Variants in SGCZ observed in about 807,000 individuals in gnomAD.
SGCZ encodes the protein sarcoglycan zeta, also known as zeta-sarcoglycan.
A neutral mutation model predicts 41.3 loss-of-function variants in SGCZ; 40 were observed. That is an observed-to-expected ratio of 0.97 (90% CI 0.75 to 1.26). SGCZ has a LOEUF of 1.26. SGCZ is among the 50% of genes most tolerant of loss of function. SGCZ has a pLI of 0.00. For synonymous variants in SGCZ, 206 were observed against 137.5 expected (o/e 1.50, Z -3.49); for missense variants, 552 against 369.8 (o/e 1.49, Z -4.04).
At chr8:14,670,847 AG>A in intron 1 of SGCZ, among the ~76,000 whole-genome samples, 1 of 152,328 alleles carries the variant, frequency 6.6e-6, no homozygotes, top group Non-Finnish European at 1.5e-5. Context: ...CAAATGTCAA[AG>A]CTCACATTCA....
intron 1 of SGCZ, among the ~76,000 whole-genome samples, chr8:14,889,634 A>G (rs1804935985): frequency 6.6e-6 from 1 of 152,112 alleles, no homozygotes; most frequent in Non-Finnish European, 1.5e-5. Context: ...TGAAGTAAAC[A>G]TGGATCAAAA....
rs116922160 is a variant in SGCZ at position 14,821,962 on chromosome 8, A to G, written c.40-267036T>C. ...CAACATAGTACTAAAAATCCTAGCC[A>G]GGACAATTAGGCAAGAGAAAAAATA... On this transcript the variant is annotated intron_variant, in intron 1 of 7. Transcript: ENST00000382080. Among the ~76,000 whole-genome samples, 128 of 152,166 alleles carry G rather than the reference A, an allele frequency of 8.4e-4. 1 individual carries two copies. In the East Asian group the frequency reaches 0.023, roughly 27 times the overall value.
intron 1 of SGCZ, among the ~76,000 whole-genome samples, chr8:14,697,044 T>C (rs1173190576): frequency 6.6e-6 from 1 of 152,036 alleles, no homozygotes; most frequent in East Asian, 1.9e-4. Flanking sequence ...CTACAGGATT[T>C]AGGAGAACTA....
At chr8:14,273,977 A>G (rs536448275) in intron 3 of SGCZ, among the ~76,000 whole-genome samples, 1 of 152,266 alleles carries the variant, frequency 6.6e-6, no homozygotes, top group East Asian at 1.9e-4. Flanking sequence ...AAACATTCAG[A>G]CAAATGGTCT....
intron 2 of SGCZ, among the ~76,000 whole-genome samples, chr8:14,362,582 C>G (rs1803565001): frequency 6.6e-6 from 1 of 152,130 alleles, no homozygotes; most frequent in African/African-American, 2.4e-5. Context: ...GTGTACTGCT[C>G]CTCCAGGTAC....
At chr8:14,776,537 G>C (rs1041049731) in intron 1 of SGCZ, among the ~76,000 whole-genome samples, 2 of 17,748 alleles carry the variant, frequency 1.1e-4, no homozygotes, top group African/African-American at 3.8e-4. Flanking sequence ...TTTTTTTTTT[G>C]AGATGGAGTC....
At chr8:14,627,406 A>G (rs1003776851) in intron 1 of SGCZ, among the ~76,000 whole-genome samples, 9 of 152,104 alleles carry the variant, frequency 5.9e-5, no homozygotes, top group Non-Finnish European at 8.8e-5. Flanking sequence ...CCTAATTTTC[A>G]ATGCTGGATC....
chr8:14,261,669 T>C (rs915778184), intron 3 of SGCZ, among the ~76,000 whole-genome samples: 3 of 152,148 alleles, frequency 2.0e-5, no homozygotes, highest in Non-Finnish European at 2.9e-5. Flanking sequence ...GTAACGTTGA[T>C]CATACCAACC....
intron 1 of SGCZ, among the ~76,000 whole-genome samples, chr8:15,106,048 T>A (rs1051812346): frequency 6.6e-6 from 1 of 152,208 alleles, no homozygotes; most frequent in Non-Finnish European, 1.5e-5. Context: ...AAATCCCAAA[T>A]TGATTAAATT....
intron 1 of SGCZ, among the ~76,000 whole-genome samples, chr8:14,601,695 G>T (rs1805594411): frequency 6.6e-6 from 1 of 152,236 alleles, no homozygotes; most frequent in East Asian, 1.9e-4. Context: ...CCTCAATGTG[G>T]CAGATGTGAG....
chr8:14,312,464 C>G (rs1801578705), intron 3 of SGCZ, among the ~76,000 whole-genome samples: 1 of 152,056 alleles, frequency 6.6e-6, no homozygotes, highest in Admixed American at 6.6e-5. Context: ...TTTCTTTTGG[C>G]TTCATTATAA....
At chr8:14,108,261 C>T in intron 5 of SGCZ, 26 bp from the exon 6 acceptor site, 1 of 1,605,950 alleles carries the variant, frequency 6.2e-7, no homozygotes, top group Non-Finnish European at 8.5e-7. Flanking sequence ...ATATAGCAGT[C>T]AGTATAAGCA....
At chr8:15,195,779 G>C (rs1183726391) in intron 1 of SGCZ, among the ~76,000 whole-genome samples, 1 of 151,682 alleles carries the variant, frequency 6.6e-6, no homozygotes, top group Admixed American at 6.6e-5. Context: ...ATTTCAGTGT[G>C]AATTTATAAC....
chr8:15,194,143 A>G (rs1800634218), intron 1 of SGCZ, among the ~76,000 whole-genome samples: 1 of 151,012 alleles, frequency 6.6e-6, no homozygotes, highest in Non-Finnish European at 1.5e-5. Context: ...TTCTTATCCA[A>G]TGGGCTACTC....
intron 2 of SGCZ, among the ~76,000 whole-genome samples, chr8:14,489,228 C>T (rs62498371): frequency 0.24 from 36,833 of 151,786 alleles, 4,616 homozygotes; most frequent in Admixed American, 0.29. Flanking sequence ...AAAATTAGAA[C>T]GGGAACAACG....
intron 4 of SGCZ, among the ~76,000 whole-genome samples, chr8:14,169,259 C>T (rs1236257126): frequency 6.6e-6 from 1 of 152,174 alleles, no homozygotes; most frequent in East Asian, 1.9e-4. Context: ...GTTGACTCTT[C>T]CTTCCTCTGC....
intron 3 of SGCZ, among the ~76,000 whole-genome samples, chr8:14,261,685 A>C (rs75772572): frequency 0.12 from 18,236 of 152,204 alleles, 1,211 homozygotes; most frequent in Middle Eastern, 0.17. Context: ...CAACCAAGCA[A>C]TGTAAAGCTG....
chr8:14,958,063 G>A (rs915846042), intron 1 of SGCZ, among the ~76,000 whole-genome samples: 2 of 152,116 alleles, frequency 1.3e-5, no homozygotes, highest in South Asian at 2.1e-4. Flanking sequence ...CTCTATTTTA[G>A]CATTTTACTC....
chr8:14,738,572 C>T (rs1799114063), intron 1 of SGCZ, among the ~76,000 whole-genome samples: 1 of 152,094 alleles, frequency 6.6e-6, no homozygotes, highest in African/African-American at 2.4e-5. Flanking sequence ...AGTTACCATT[C>T]TGATACACCA....
Sources: allele counts gnomAD v4.1 joint callset (sites outside exome capture counted in the v4.1 genomes callset), GRCh38; gene constraint gnomAD v4.1.1; transcripts MANE v1.5; gene names NCBI Gene and HGNC (gene_info 2026-07-23, HGNC 2026-07-21).